The following WNT8B variants were observed in gnomAD, a reference collection of about 807,000 sequenced individuals.
The protein encoded by WNT8B is protein Wnt-8b.
Under a neutral mutation model 36.6 loss-of-function variants are expected in WNT8B, and 24 were observed. That is an observed-to-expected ratio of 0.66 (90% confidence interval 0.48 to 0.92). WNT8B has a LOEUF of 0.92. Ranked by LOEUF, WNT8B falls within the 40% of genes least tolerant of loss-of-function variation. WNT8B has a pLI of 0.00. For synonymous variants in WNT8B, 199 were observed against 189.8 expected (o/e 1.05, Z -0.40); for missense variants, 402 against 470.8 (o/e 0.85, Z 1.35).
Position 100,480,991 on chromosome 10 carries a change from C to T in WNT8B, c.242-7C>T, listed in dbSNP as rs1231268609. 1 of 1,613,376 alleles carries T rather than the reference C, an allele frequency of 6.2e-7. No individual in the cohort carries two copies. The highest frequency in any genetic ancestry group is 2.2e-5 in the East Asian group (1 of 44,850). ...CCCTCTAACTCTGGATTTTTGGTTC[C>T]TGCTAGCCAATCGGGAGACAGCATT... is the stretch of plus-strand genomic sequence containing the variant. On this transcript the variant is annotated splice_region_variant and splice_polypyrimidine_tract_variant and intron_variant, in intron 3 of 5. Coordinates refer to ENST00000343737, the MANE Select transcript of WNT8B (RefSeq NM_003393.4).
chr10:100,468,569 C>T (rs973165226), intron 1 of WNT8B, among the ~76,000 whole-genome samples: 1 of 152,252 alleles, frequency 6.6e-6, no homozygotes, highest in East Asian at 1.9e-4. Flanking sequence ...ATCCCTGCCA[C>T]AGTCCTCATT....
Position 100,483,033 on chromosome 10 carries a change from T to G in WNT8B, c.*217T>G. The stretch of plus-strand genomic sequence containing the variant: ...CTGTCTGAATCCTCGCAGCCACACC[T>G]AGGTCTGAGAACTCAGGCTTTGAGT... On this transcript the variant is annotated 3_prime_UTR_variant, in exon 6 of 6. Transcript: ENST00000343737. 16 of 516,496 alleles carry G rather than the reference T, an allele frequency of 3.1e-5. No homozygotes were observed. The highest frequency in any genetic ancestry group is 1.2e-4 in the Admixed American group (3 of 25,978). The allele number at this position is 516,496 out of a possible 1,614,324, so 32.0% of individuals were successfully genotyped here.
Position 100,482,734 on chromosome 10 carries a change from G to A in WNT8B, c.974G>A (p.Arg325His), listed in dbSNP as rs1272844744. 1.2e-6 allele frequency: 2 copies of A among 1,605,872 alleles called. No homozygotes were observed. The highest frequency in any genetic ancestry group is 1.7e-6 in the Non-Finnish European group (2 of 1,176,524). The change falls in exon 6 of 6, where the codon CGC becomes CAC. Residue 325 changes from arginine (R) to histidine (H), a missense_variant. Physicochemically the swap from Arg to His is conservative, Grantham distance 29. Coordinates refer to ENST00000343737, the MANE Select transcript of WNT8B (RefSeq NM_003393.4). The surrounding 1 kb of genome is among the most constrained non-coding windows in gnomAD (Gnocchi z 6.6). The stretch of plus-strand genomic sequence containing the variant: ...TGCGCAGTCCGCTGCGAGCAGTGCC[G>A]CCGGAGGGTCACCAAGTACTTCTGT... Reference protein sequence around the residue: ...WCCAVRCEQCRRRVTKYFCSR... With the variant: ...WCCAVRCEQCHRRVTKYFCSR...
intron 1 of WNT8B, among the ~76,000 whole-genome samples, chr10:100,478,497 G>A (rs1029704273): frequency 6.6e-6 from 1 of 152,006 alleles, no homozygotes; most frequent in African/African-American, 2.4e-5. Flanking sequence ...ATATGGTACT[G>A]GAAATTTTAC....
chr10:100,472,079 A>G (rs955622238), intron 1 of WNT8B, among the ~76,000 whole-genome samples: 32 of 150,896 alleles, frequency 2.1e-4, no homozygotes, highest in African/African-American at 7.8e-4. Context: ...CTGTAGTCCC[A>G]GCTACTCGGG....
Position 100,482,710 on chromosome 10 carries a change from G to T in WNT8B, c.950G>T (p.Cys317Phe). 1 of 1,609,524 alleles carries T rather than the reference G, an allele frequency of 6.2e-7. No homozygotes were observed. The highest frequency in any genetic ancestry group is 8.5e-7 in the Non-Finnish European group (1 of 1,178,580). ...TGCAACTGCAAGTTCCACTGGTGCT[G>T]CGCAGTCCGCTGCGAGCAGTGCCGC... Reference protein sequence around the residue: ...SSCNCKFHWCCAVRCEQCRRR... With the variant: ...SSCNCKFHWCFAVRCEQCRRR... The change falls in exon 6 of 6, where the codon TGC becomes TTC. Residue 317 changes from cysteine to phenylalanine, a missense_variant. By Grantham distance (205) the Cys-to-Phe change is radical. Coordinates refer to ENST00000343737, the MANE Select transcript of WNT8B (RefSeq NM_003393.4). The surrounding 1 kb of genome is among the most constrained non-coding windows in gnomAD (Gnocchi z 6.6).
At chr10:100,470,810 C>T (rs914138641) in intron 1 of WNT8B, among the ~76,000 whole-genome samples, 1 of 152,182 alleles carries the variant, frequency 6.6e-6, no homozygotes, top group African/African-American at 2.4e-5. Flanking sequence ...GGCGCAATCT[C>T]GGCTGACTGC....
At chr10:100,465,237 G>GT (rs1470729287) in intron 1 of WNT8B, among the ~76,000 whole-genome samples, 1 of 152,116 alleles carries the variant, frequency 6.6e-6, no homozygotes, top group Non-Finnish European at 1.5e-5. Context: ...TCTTTGAAAA[G>GT]TATTTGCCAC....
Position 100,479,055 on chromosome 10 carries a change from G to A in WNT8B, c.72G>A (p.Ser24=), listed in dbSNP as rs376921131. 31 of 1,595,474 alleles carry A rather than the reference G, an allele frequency of 1.9e-5. No individual in the cohort carries two copies. In the East Asian group the frequency reaches 2.0e-4, roughly 10 times the overall value. Residue 24 remains serine (S), a synonymous_variant, in exon 2 of 6, where the codon TCG becomes TCA. Coordinates refer to ENST00000343737, the MANE Select transcript of WNT8B (RefSeq NM_003393.4). ...TTGTTTTTTTTTTCCCTTATAGGTC[G>A]GTGAACAATTTCCTGATGACTGGTC... is the stretch of plus-strand genomic sequence containing the variant. ...TCVLQLSHSW[S]VNNFLMTGPK...
At chr10:100,472,298 G>A (rs572721468) in intron 1 of WNT8B, among the ~76,000 whole-genome samples, 10 of 151,578 alleles carry the variant, frequency 6.6e-5, no homozygotes, top group African/African-American at 1.5e-4. Flanking sequence ...TTTTAGTAGC[G>A]ACGGGGTTTC....
chr10:100,467,291 T>C (rs1218673382), intron 1 of WNT8B, among the ~76,000 whole-genome samples: 1 of 152,178 alleles, frequency 6.6e-6, no homozygotes, highest in Non-Finnish European at 1.5e-5. Context: ...ATCATTTAAA[T>C]TCACCATCAT....
chr10:100,469,259 T>A (rs7900678), intron 1 of WNT8B, among the ~76,000 whole-genome samples: 2 of 152,030 alleles, frequency 1.3e-5, no homozygotes, highest in Non-Finnish European at 2.9e-5. Flanking sequence ...CCCAACCAGT[T>A]AGCACTAGCT....
At chr10:100,471,198 G>A (rs1299932106) in intron 1 of WNT8B, among the ~76,000 whole-genome samples, 1 of 152,236 alleles carries the variant, frequency 6.6e-6, no homozygotes, top group Admixed American at 6.5e-5. Flanking sequence ...GTTTGTATAA[G>A]TACATTCTAT....
chr10:100,482,137 T>C lies in WNT8B; in HGVS notation c.510+83T>C, dbSNP rs933745454. The C allele has an allele frequency of 3.2e-6, 5 of 1,586,770 alleles. No homozygotes were observed. In the African/African-American group the frequency reaches 5.4e-5, roughly 17 times the overall value. On this transcript the variant is annotated intron_variant, in intron 5 of 5. Coordinates refer to ENST00000343737, the MANE Select transcript of WNT8B (RefSeq NM_003393.4). This position sits in a 1 kb window ranked among gnomAD's most constrained non-coding sequence, Gnocchi z 6.6. ...AGGTGCGGACAACTCTTCAGTTCAT[T>C]TAAAAGATTGGCAAAATGAGGTACC...
intron 1 of WNT8B, among the ~76,000 whole-genome samples, chr10:100,470,782 C>T (rs897296483): frequency 6.6e-6 from 1 of 152,214 alleles, no homozygotes; most frequent in Non-Finnish European, 1.5e-5. Flanking sequence ...CACTCTGTCG[C>T]CTAGGCTGGA....
At chr10:100,472,024 A>G (rs1370429357) in intron 1 of WNT8B, among the ~76,000 whole-genome samples, 2 of 151,310 alleles carry the variant, frequency 1.3e-5, no homozygotes, top group African/African-American at 4.9e-5. Context: ...ATGAAACCCC[A>G]TCTCTACTAA....
chr10:100,474,398 G>A (rs1041284374), intron 1 of WNT8B, among the ~76,000 whole-genome samples: 2 of 152,106 alleles, frequency 1.3e-5, no homozygotes, highest in Non-Finnish European at 2.9e-5. Context: ...CCACATAGAG[G>A]TGGCACCCAT....
intron 1 of WNT8B, among the ~76,000 whole-genome samples, chr10:100,469,536 C>G (rs1271049627): frequency 1.3e-5 from 2 of 152,210 alleles, no homozygotes; most frequent in African/African-American, 4.8e-5. Context: ...ATGCTTTTCA[C>G]CCTTGAAAAA....
intron 4 of WNT8B, 132 bp from the exon 5 acceptor site, chr10:100,481,780 T>C: frequency 7.7e-7 from 1 of 1,292,300 alleles, no homozygotes; most frequent in East Asian, 2.5e-5. Flanking sequence ...CTGATCTGGA[T>C]ACAGGGCACT....
Sources: gnomAD v4.1 joint callset for allele counts (sites outside exome capture counted in the v4.1 genomes callset) on GRCh38, gnomAD v4.1.1 for gene constraint, Gnocchi (gnomAD v3.1) non-coding constraint, MANE v1.5 for transcripts, NCBI Gene and HGNC (gene_info 2026-07-23, HGNC 2026-07-21) for gene names.